The following BID variants were observed in gnomAD, a reference collection of about 807,000 sequenced individuals.
BID encodes BH3-interacting domain death agonist.
Under a neutral mutation model 17.4 loss-of-function variants are expected in BID, and 19 were observed. That is an observed-to-expected ratio of 1.09 (90% CI 0.76 to 1.60). The LOEUF (loss-of-function observed/expected upper bound fraction) is 1.60. Ranked by LOEUF, BID falls within the 40% of genes most tolerant of loss-of-function variation. The probability of loss-of-function intolerance (pLI) is 0.00; values close to 1 mark genes in which losing one functional copy is unlikely to be tolerated. For synonymous variants in BID, 108 were observed against 102.8 expected (o/e 1.05, Z -0.31); for missense variants, 226 against 256.0 (o/e 0.88, Z 0.80).
At chr22:17,770,467 C>T (rs2061711203) in intron 1 of BID, among the ~76,000 whole-genome samples, 1 of 152,196 alleles carries the variant, frequency 6.6e-6, no homozygotes, top group African/African-American at 2.4e-5. Context: ...CACCGCCCAT[C>T]CCGGACCCAG....
At chr22:17,759,940 A>G (rs1356741642) in intron 1 of BID, among the ~76,000 whole-genome samples, 10 of 151,238 alleles carry the variant, frequency 6.6e-5, no homozygotes, top group African/African-American at 9.7e-5. Context: ...CAGGAGATCG[A>G]GACCATCCTG....
At chr22:17,766,948 G>C (rs1368555251) in intron 1 of BID, among the ~76,000 whole-genome samples, 1 of 151,948 alleles carries the variant, frequency 6.6e-6, no homozygotes, top group Admixed American at 6.5e-5. Flanking sequence ...GTACAGCCAG[G>C]CGTGGTGGCT....
At chr22:17,736,545 C>G (rs1262429404) in intron 5 of BID, among the ~76,000 whole-genome samples, 7 of 151,776 alleles carry the variant, frequency 4.6e-5, no homozygotes, top group African/African-American at 1.7e-4. Context: ...CCATTTGGGT[C>G]TATGAAACAG....
chr22:17,762,163 G>A (rs1031530815), intron 1 of BID, among the ~76,000 whole-genome samples: 9 of 151,964 alleles, frequency 5.9e-5, no homozygotes, highest in South Asian at 4.2e-4. Context: ...AAACACTGAC[G>A]CAATGCTGTT....
chr22:17,745,627 G>C (rs1452871293), intron 2 of BID, among the ~76,000 whole-genome samples: 1 of 151,990 alleles, frequency 6.6e-6, no homozygotes, highest in African/African-American at 2.4e-5. Context: ...TCCAACCTGG[G>C]TGACAAAGTG....
At chr22:17,739,973 C>A in intron 3 of BID, 1 of 1,189,004 alleles carries the variant, frequency 8.4e-7, no homozygotes, top group Non-Finnish European at 1.2e-6. Context: ...TCACTGGCAC[C>A]GGCAAGGCCC....
chr22:17,762,674 C>T (rs748147119), intron 1 of BID, among the ~76,000 whole-genome samples: 8 of 151,960 alleles, frequency 5.3e-5, no homozygotes, highest in Non-Finnish European at 1.2e-4. Flanking sequence ...CCTCAGCTTC[C>T]CAAAGTGCTG....
rs1340466062 is a variant in BID at position 17,769,878 on chromosome 22, G to A, written c.-59+4503C>T. On this transcript the variant is annotated intron_variant, in intron 1 of 5. Transcript: ENST00000622694. This position sits in a 1 kb window ranked among gnomAD's most constrained non-coding sequence, Gnocchi z 4.8. ...CCAATACCAGGCCTGGTCACGTGGTGCCCCGCCAGGCTTGGGGGTGTGCAC... is the reference window on the plus strand; with the variant it reads ...CCAATACCAGGCCTGGTCACGTGGTACCCCGCCAGGCTTGGGGGTGTGCAC... Among the ~76,000 whole-genome samples, 1 of 152,128 alleles carries A rather than the reference G, an allele frequency of 6.6e-6. No individual in the cohort carries two copies. Among genetic ancestry groups the A allele is most frequent in the Non-Finnish European group, 1.5e-5 (1 of 68,010 alleles).
rs533672852 is a variant in BID at position 17,747,018 on chromosome 22, A to G, written c.13-3005T>C. Among the ~76,000 whole-genome samples, 10 of 152,232 alleles carry G rather than the reference A, an allele frequency of 6.6e-5. No homozygotes were observed. In the South Asian group the frequency reaches 8.3e-4, roughly 13 times the overall value. On this transcript the variant is annotated intron_variant, in intron 2 of 5. Transcript: ENST00000622694. ...CTGGACACAGAGCGGTGCTGCCACC[A>G]CAGCAGGTCAGGTTATCAAACTCAA...
intron 3 of BID, among the ~76,000 whole-genome samples, chr22:17,743,298 G>T (rs1288338572): frequency 6.6e-6 from 1 of 152,254 alleles, no homozygotes; most frequent in Non-Finnish European, 1.5e-5. Flanking sequence ...GGCCGCACCG[G>T]TAGTGCCACC....
At chr22:17,748,472 C>T (rs1436260308) in intron 2 of BID, among the ~76,000 whole-genome samples, 2 of 151,644 alleles carry the variant, frequency 1.3e-5, no homozygotes, top group African/African-American at 4.8e-5. Flanking sequence ...CGTGCCACTG[C>T]ACTCCAGCCT....
In BID at chr22:17,734,194, CTTCTT is replaced by C. The variant is rs2061404388; in HGVS notation, c.*1381_*1385del. 1 of 152,210 alleles carries C rather than the reference CTTCTT, an allele frequency of 6.6e-6. No individual in the cohort carries two copies. Among genetic ancestry groups the C allele is most frequent in the African/African-American group, 2.4e-5 (1 of 41,458 alleles). 9.4% of individuals were successfully genotyped at this position (152,210 alleles called of 1,614,324 possible). Reference sequence around the variant, plus strand: ...GTGGCCTCCACACTGCGCGGCAGCACTTCTTTTTAGTATTTGTAAGCTTTTGCCCA... The same window carrying C: ...GTGGCCTCCACACTGCGCGGCAGCACTTTAGTATTTGTAAGCTTTTGCCCA... On this transcript the variant is annotated 3_prime_UTR_variant, in exon 6 of 6. Transcript: ENST00000622694.
In BID at chr22:17,735,338, TGG is replaced by T; in HGVS notation, c.*240_*241del. On this transcript the variant is annotated 3_prime_UTR_variant, in exon 6 of 6. Coordinates refer to ENST00000622694, the MANE Select transcript of BID (RefSeq NM_001196.4). ...ATTTACAGATGTGCAGATTCATGTG[TGG>T]ATGATATGAAGGCCATTCAAATACG... 1 of 510,010 alleles carries T rather than the reference TGG, an allele frequency of 2.0e-6. No individual in the cohort carries two copies. Among genetic ancestry groups the T allele is most frequent in the Non-Finnish European group, 3.5e-6 (1 of 287,644 alleles). 31.6% of individuals were successfully genotyped at this position (510,010 alleles called of 1,614,324 possible).
intron 2 of BID, among the ~76,000 whole-genome samples, chr22:17,747,462 A>G (rs1404650723): frequency 6.6e-6 from 1 of 152,038 alleles, no homozygotes; most frequent in East Asian, 2.0e-4. Context: ...CTGGGGTTAC[A>G]GGCACGTGCC....
intron 2 of BID, 34 bp downstream of exon 2, chr22:17,750,071 C>A (rs369256318): frequency 1.2e-6 from 2 of 1,607,760 alleles, no homozygotes; most frequent in South Asian, 1.1e-5. Context: ...ACCCCGCCCC[C>A]CACAAGGCAC....
chr22:17,755,082 C>CTTTTTTTTTTTTTTTTTT (rs59654004), intron 1 of BID, among the ~76,000 whole-genome samples: 1 of 99,254 alleles, frequency 1.0e-5, no homozygotes, highest in Non-Finnish European at 2.0e-5. Context: ...TTTTTCTTTT[C>CTTTTTTTTTTTTTTTTTT]TTTTTTTTTT....
chr22:17,751,698 C>T (rs112211444), intron 1 of BID, among the ~76,000 whole-genome samples: 430 of 152,310 alleles, frequency 2.8e-3, no homozygotes, highest in Non-Finnish European at 5.0e-3. Context: ...GCCTGGGGAC[C>T]CTGCACTGTT....
rs755052006 is a variant in BID, at chr22:17,773,577, A to G, written c.-59+804T>C. The G allele has an allele frequency of 6.2e-7, 1 of 1,610,572 alleles. No homozygotes were observed. Among genetic ancestry groups the G allele is most frequent in the Admixed American group, 1.7e-5 (1 of 60,012 alleles). On this transcript the variant is annotated intron_variant, in intron 1 of 5. Transcript: ENST00000622694. This position sits in a 1 kb window ranked among gnomAD's most constrained non-coding sequence, Gnocchi z 4.4. Reference sequence around the variant, plus strand: ...CCTGCCTGCAGGTGAAGGCCGGTCCAGCCGCAGAAGGCCCAGCCCCCAGCC... The same window carrying G: ...CCTGCCTGCAGGTGAAGGCCGGTCCGGCCGCAGAAGGCCCAGCCCCCAGCC...
At chr22:17,771,063 C>T (rs1682075637) in intron 1 of BID, among the ~76,000 whole-genome samples, 1 of 152,222 alleles carries the variant, frequency 6.6e-6, no homozygotes, top group South Asian at 2.1e-4. Context: ...GTGACCAGCC[C>T]CCTTTCAGGT....
Sources: allele counts gnomAD v4.1 joint callset (sites outside exome capture counted in the v4.1 genomes callset), GRCh38; gene constraint gnomAD v4.1.1; non-coding constraint Gnocchi (gnomAD v3.1); transcripts MANE v1.5; gene names NCBI Gene and HGNC (gene_info 2026-07-23, HGNC 2026-07-21).